IL36B: variants seen among roughly 807,000 people sequenced by gnomAD.
The protein encoded by IL36B is interleukin-36 beta.
A neutral mutation model predicts 19.3 loss-of-function variants in IL36B; 23 were observed. The observed-to-expected ratio is 1.19, with a 90% confidence interval of 0.86 to 1.69. The LOEUF (loss-of-function observed/expected upper bound fraction) is 1.69, where lower values mean the gene tolerates loss of function less well. Ranked by LOEUF, IL36B falls within the 40% of genes most tolerant of loss-of-function variation. IL36B has a pLI of 0.00. For synonymous variants in IL36B, 59 were observed against 59.7 expected (o/e 0.99, Z 0.05); for missense variants, 217 against 200.5 (o/e 1.08, Z -0.50).
At chr2:113,041,425 C>A (rs1199904237) in intron 1 of IL36B, among the ~76,000 whole-genome samples, 1 of 152,152 alleles carries the variant, frequency 6.6e-6, no homozygotes, top group South Asian at 2.1e-4. Context: ...CCCTACCTCA[C>A]ACATAATACT....
At chr2:113,041,470 A>T (rs1685255265) in intron 1 of IL36B, among the ~76,000 whole-genome samples, 1 of 152,204 alleles carries the variant, frequency 6.6e-6, no homozygotes, top group Admixed American at 6.5e-5. Flanking sequence ...AGACCTAAAC[A>T]TGAAAGCTAA....
chr2:113,035,019 A>G lies in IL36B; in HGVS notation c.-57-3253T>C, dbSNP rs72944570. ...AGCACCAGCAGAGCCTAAAGAAACT[A>G]TGGGGTCACATTCCTTGGAAGAACT... On this transcript the variant is annotated intron_variant, in intron 1 of 5. Coordinates refer to ENST00000259213, the MANE Select transcript of IL36B (RefSeq NM_014438.5). 3.7e-3 allele frequency among the ~76,000 whole-genome samples: 558 copies of G among 152,308 alleles called. 4 individuals are homozygous for G. The highest frequency in any genetic ancestry group is 0.013 in the African/African-American group (527 of 41,568).
chr2:113,026,051 C>A (rs1290789250), intron 5 of IL36B: 10 of 1,591,996 alleles, frequency 6.3e-6, no homozygotes, highest in Admixed American at 1.8e-5. Flanking sequence ...GAAGAATGAA[C>A]GCATCTCAGA....
chr2:113,031,563 G>C, intron 2 of IL36B, 134 bp downstream of exon 2: 1 of 731,184 alleles, frequency 1.4e-6, no homozygotes, highest in Admixed American at 2.5e-5. Context: ...TTCAAAGGCC[G>C]TTTTAGGAAC....
At chr2:113,024,120 GGA>G (rs1202172478) in intron 5 of IL36B, among the ~76,000 whole-genome samples, 1 of 152,084 alleles carries the variant, frequency 6.6e-6, no homozygotes, top group African/African-American at 2.4e-5. Context: ...GAGATTCAGG[GGA>G]CAAACTATCT....
chr2:113,047,387 A>G (rs1685367521), intron 1 of IL36B, among the ~76,000 whole-genome samples: 1 of 152,116 alleles, frequency 6.6e-6, no homozygotes, highest in African/African-American at 2.4e-5. Flanking sequence ...TTGGTGCTCA[A>G]AAAGTTTTGG....
At chr2:113,046,048 A>G (rs150394803) in intron 1 of IL36B, among the ~76,000 whole-genome samples, 36 of 152,318 alleles carry the variant, frequency 2.4e-4, no homozygotes, top group Non-Finnish European at 4.4e-4. Flanking sequence ...AATACATAAT[A>G]ATGCATTCTT....
chr2:113,031,388 A>G (rs1685073021), intron 2 of IL36B, among the ~76,000 whole-genome samples: 1 of 152,176 alleles, frequency 6.6e-6, no homozygotes, highest in Admixed American at 6.5e-5. Context: ...TTCTAGGGCT[A>G]TTAGTGACTT....
In IL36B at chr2:113,031,681, G is replaced by T; in HGVS notation, c.13+16C>A. The T allele has an allele frequency of 6.2e-7, 1 of 1,605,434 alleles. No individual in the cohort carries two copies. The highest frequency in any genetic ancestry group is 8.5e-7 in the Non-Finnish European group (1 of 1,172,524). On this transcript the variant is annotated intron_variant, in intron 2 of 5. Coordinates refer to ENST00000259213, the MANE Select transcript of IL36B (RefSeq NM_014438.5). ...GATGGAGATATTTCCAAGCTGATTT[G>T]CAATTCACCACTTACGTTGTGGGTT...
chr2:113,032,313 T>C (rs1262617124), intron 1 of IL36B, among the ~76,000 whole-genome samples: 6 of 152,138 alleles, frequency 3.9e-5, no homozygotes, highest in Non-Finnish European at 8.8e-5. Flanking sequence ...TCTGTAAGGA[T>C]CATGCACATG....
chr2:113,036,665 T>C (rs1222508410), intron 1 of IL36B, among the ~76,000 whole-genome samples: 2 of 152,246 alleles, frequency 1.3e-5, no homozygotes, highest in African/African-American at 2.4e-5. Context: ...GCTTAATTCC[T>C]GGATAGGCCA....
At chr2:113,025,245 G>A (rs1684936431) in intron 5 of IL36B, among the ~76,000 whole-genome samples, 1 of 152,188 alleles carries the variant, frequency 6.6e-6, no homozygotes, top group African/African-American at 2.4e-5. Flanking sequence ...AATTGAGACA[G>A]GGAAATTTCT....
intron 5 of IL36B, among the ~76,000 whole-genome samples, chr2:113,025,511 T>G (rs1013934372): frequency 6.6e-5 from 10 of 152,200 alleles, no homozygotes; most frequent in African/African-American, 2.2e-4. Flanking sequence ...TTTCTGCCTC[T>G]ATGTACCTAG....
chr2:113,047,467 G>T lies in IL36B; in HGVS notation c.-58+5350C>A, dbSNP rs539601918. Among the ~76,000 whole-genome samples, 11 of 152,100 alleles carry T rather than the reference G, an allele frequency of 7.2e-5. No individual in the cohort carries two copies. The South Asian group carries it at 2.3e-3, about 31-fold the overall frequency. ...CAACTTGTACTATGAATATTCTTGA[G>T]CTTAATTCCGTAGTGTAATTAAGGC... is the stretch of plus-strand genomic sequence containing the variant. On this transcript the variant is annotated intron_variant, in intron 1 of 5. Coordinates refer to ENST00000259213, the MANE Select transcript of IL36B (RefSeq NM_014438.5).
intron 1 of IL36B, among the ~76,000 whole-genome samples, chr2:113,036,626 A>T (rs2105049217): frequency 6.6e-6 from 1 of 152,324 alleles, no homozygotes; most frequent in Admixed American, 6.5e-5. Flanking sequence ...TGCCCCCAGG[A>T]AGAACACATT....
chr2:113,043,127 T>C (rs985604837), intron 1 of IL36B, among the ~76,000 whole-genome samples: 13 of 152,172 alleles, frequency 8.5e-5, no homozygotes, highest in Admixed American at 7.9e-4. Context: ...TTAAAAATTG[T>C]CTTTTTTGTT....
chr2:113,033,306 A>G (rs556828554), intron 1 of IL36B, among the ~76,000 whole-genome samples: 1 of 152,268 alleles, frequency 6.6e-6, no homozygotes, highest in Non-Finnish European at 1.5e-5. Context: ...ATCTCGGCTC[A>G]TGGAAACTTC....
intron 1 of IL36B, among the ~76,000 whole-genome samples, chr2:113,045,023 C>T (rs1414736613): frequency 6.6e-6 from 1 of 151,954 alleles, no homozygotes; most frequent in African/African-American, 2.4e-5. Context: ...ATGTTATAAT[C>T]CTAATGATAC....
intron 1 of IL36B, among the ~76,000 whole-genome samples, chr2:113,033,893 C>T (rs553667345): frequency 1.7e-4 from 26 of 152,240 alleles, no homozygotes; most frequent in Middle Eastern, 3.4e-3. Flanking sequence ...CTCTTGAAAC[C>T]GAATATTATT....
Sources: gnomAD v4.1 joint callset for allele counts (sites outside exome capture counted in the v4.1 genomes callset) on GRCh38, gnomAD v4.1.1 for gene constraint, MANE v1.5 for transcripts, NCBI Gene and HGNC (gene_info 2026-07-23, HGNC 2026-07-21) for gene names.